The following DHRSX variants were observed in gnomAD, a reference collection of about 807,000 sequenced individuals.
The protein encoded by DHRSX is polyprenol dehydrogenase.
DHRSX carries 31 observed loss-of-function variants against 34.0 expected under a neutral mutation model. That is an observed-to-expected ratio of 0.91 (90% CI 0.69 to 1.23). The LOEUF is 1.23. Among genes scored for constraint, DHRSX ranks in the 50% most tolerant of loss-of-function variants. The pLI, the probability that DHRSX is intolerant of heterozygous loss-of-function variation, is 0.00. For missense variants in DHRSX, 414 were observed against 428.1 expected, an observed-to-expected ratio of 0.97 and a Z score of 0.29; for synonymous variants, 201 against 183.8, an observed-to-expected ratio of 1.09 and a Z score of -0.76.
At chrX:2,487,014 G>C (rs1328591134) in intron 1 of DHRSX, 1 of 152,196 alleles carries the variant, frequency 6.6e-6, no homozygotes, top group African/African-American at 2.4e-5. Flanking sequence ...CCCCAGCCCA[G>C]CTTGTCTTCA....
intron 5 of DHRSX, among the ~76,000 whole-genome samples, chrX:2,243,788 GTTTTTTTTTT>G (rs778957532): frequency 2.3e-3 from 57 of 25,164 alleles, no homozygotes; most frequent in South Asian, 0.015. Flanking sequence ...TATGCTCCCT[GTTTTTTTTTT>G]TTTTTTTTTT....
intron 3 of DHRSX, among the ~76,000 whole-genome samples, chrX:2,389,337 G>T (rs2043308235): frequency 6.6e-6 from 1 of 152,192 alleles, no homozygotes; most frequent in Admixed American, 6.5e-5. Flanking sequence ...TTCTGAAAGA[G>T]GAAGATGACC....
chrX:2,382,567 TC>T (rs2043215915), intron 3 of DHRSX, among the ~76,000 whole-genome samples: 1 of 70,748 alleles, frequency 1.4e-5, no homozygotes, highest in Admixed American at 1.4e-4. Flanking sequence ...ATCACCATCA[TC>T]ATCATCACCA....
intron 4 of DHRSX, among the ~76,000 whole-genome samples, chrX:2,275,986 G>C (rs1224468926): frequency 6.6e-6 from 1 of 152,064 alleles, no homozygotes; most frequent in Non-Finnish European, 1.5e-5. Flanking sequence ...TGGGATTACA[G>C]GTGTATGCTA....
chrX:2,273,428 C>T (rs1283314549), intron 4 of DHRSX, among the ~76,000 whole-genome samples: 1 of 152,168 alleles, frequency 6.6e-6, no homozygotes, highest in Non-Finnish European at 1.5e-5. Flanking sequence ...TATTATTCTA[C>T]GTGGAGTCAC....
intron 4 of DHRSX, among the ~76,000 whole-genome samples, chrX:2,286,428 G>A: frequency 6.6e-6 from 1 of 152,270 alleles, no homozygotes; most frequent in South Asian, 2.1e-4. Context: ...GTGCCATCTG[G>A]GCTACTTCTG....
intron 3 of DHRSX, among the ~76,000 whole-genome samples, chrX:2,376,005 G>T (rs1351771494): frequency 7.4e-6 from 1 of 135,942 alleles, no homozygotes; most frequent in Non-Finnish European, 1.7e-5. Flanking sequence ...TTACTAACTC[G>T]CCTGGAGTCA....
At chrX:2,229,485 T>C (rs1322833281) in intron 6 of DHRSX, among the ~76,000 whole-genome samples, 3 of 152,076 alleles carry the variant, frequency 2.0e-5, no homozygotes, top group Non-Finnish European at 4.4e-5. Context: ...TGGAATGTTC[T>C]GGAAAATAGG....
At chrX:2,391,571 G>A (rs1288836836) in intron 3 of DHRSX, among the ~76,000 whole-genome samples, 1 of 152,104 alleles carries the variant, frequency 6.6e-6, no homozygotes, top group African/African-American at 2.4e-5. Flanking sequence ...ATAGAAGGCA[G>A]CAGACACAGG....
chrX:2,296,436 C>CA (rs1156924197), intron 3 of DHRSX, among the ~76,000 whole-genome samples: 1 of 151,978 alleles, frequency 6.6e-6, no homozygotes, highest in Non-Finnish European at 1.5e-5. Context: ...TGTCCTCAGA[C>CA]AAAAAGGAAA....
chrX:2,304,208 G>GATGGATGGATGGATAA (rs2042068197), intron 3 of DHRSX, among the ~76,000 whole-genome samples: 3 of 24,434 alleles, frequency 1.2e-4, no homozygotes, highest in South Asian at 8.9e-4. Context: ...TGGATAAATG[G>GATGGATGGATGGATAA]ATGGATGGAT....
chrX:2,400,655 G>A (rs1160187306), intron 3 of DHRSX, among the ~76,000 whole-genome samples: 1 of 152,148 alleles, frequency 6.6e-6, no homozygotes, highest in Admixed American at 6.6e-5. Context: ...AGGGACAGGC[G>A]ATGAGGAGGG....
At chrX:2,238,218 A>G (rs914546455) in intron 6 of DHRSX, among the ~76,000 whole-genome samples, 2 of 152,142 alleles carry the variant, frequency 1.3e-5, no homozygotes, top group Non-Finnish European at 2.9e-5. Context: ...TTAGCCAGGC[A>G]TGCTGGTGCA....
chrX:2,472,955 C>A (rs2044616134), intron 1 of DHRSX, among the ~76,000 whole-genome samples: 1 of 152,036 alleles, frequency 6.6e-6, no homozygotes, highest in African/African-American at 2.4e-5. Context: ...CTTGCCTGCT[C>A]TGTGCTTCCA....
At chrX:2,408,890 G>A (rs2043592825) in intron 2 of DHRSX, 77 bp from the exon 3 acceptor site, 1 of 1,177,316 alleles carries the variant, frequency 8.5e-7, no homozygotes. Flanking sequence ...AAAAAAAAGA[G>A]GTTTTAAGAG....
intron 4 of DHRSX, among the ~76,000 whole-genome samples, chrX:2,283,654 T>C (rs753919961): frequency 3.3e-5 from 5 of 152,328 alleles, no homozygotes; most frequent in African/African-American, 1.2e-4. Flanking sequence ...ACTGCACACC[T>C]GGGCTTCCCC....
At chrX:2,381,154 C>A (rs1433791848) in intron 3 of DHRSX, among the ~76,000 whole-genome samples, 1 of 152,156 alleles carries the variant, frequency 6.6e-6, no homozygotes, top group Non-Finnish European at 1.5e-5. Context: ...GCGTGAGCCA[C>A]CACACCCGGC....
At chrX:2,469,128 C>G (rs904933203) in intron 1 of DHRSX, among the ~76,000 whole-genome samples, 2 of 145,040 alleles carry the variant, frequency 1.4e-5, no homozygotes, top group Non-Finnish European at 3.0e-5. Context: ...CGTTCCCTAA[C>G]AATGCGCCCA....
chrX:2,457,437 A>C (rs1036952807), intron 1 of DHRSX, among the ~76,000 whole-genome samples: 2 of 148,756 alleles, frequency 1.3e-5, no homozygotes, highest in African/African-American at 5.0e-5. Context: ...TTCCCTAAGC[A>C]TGTGGCTAAG....
Sources: allele counts gnomAD v4.1 joint callset (sites outside exome capture counted in the v4.1 genomes callset), GRCh38; gene constraint gnomAD v4.1.1; transcripts MANE v1.5; gene names NCBI Gene and HGNC (gene_info 2026-07-23, HGNC 2026-07-21).